USP7: variants seen among roughly 807,000 people sequenced by gnomAD.
USP7 encodes ubiquitin C-terminal hydrolase 7.
A neutral mutation model predicts 162.9 loss-of-function variants in USP7; 9 were observed. The observed-to-expected ratio is 0.06, with a 90% confidence interval of 0.03 to 0.10. USP7 has a LOEUF of 0.10. Ranked by LOEUF, USP7 falls within the 10% of genes least tolerant of loss-of-function variation. The pLI is 1.00. For missense variants in USP7, 715 were observed against 1,373.7 expected (o/e 0.52, Z 7.58); for synonymous variants, 562 against 475.9 (o/e 1.18, Z -2.35).
intron 13 of USP7, among the ~76,000 whole-genome samples, chr16:8,905,775 G>C (rs1369660280): frequency 6.6e-6 from 1 of 152,226 alleles, no homozygotes; most frequent in Non-Finnish European, 1.5e-5. Context: ...ATGGAAGCAA[G>C]TTAAGGGCCA....
At chr16:8,908,288 C>T in intron 12 of USP7, 53 bp downstream of exon 12, 1 of 1,422,930 alleles carries the variant, frequency 7.0e-7, no homozygotes, top group Admixed American at 1.7e-5. Context: ...GAGACTAACC[C>T]CCTAGACCAG....
intron 6 of USP7, among the ~76,000 whole-genome samples, chr16:8,917,657 G>A (rs1366337800): frequency 6.6e-6 from 1 of 152,122 alleles, no homozygotes; most frequent in Non-Finnish European, 1.5e-5. Context: ...GGGATTATAG[G>A]CGAGAGCTAC....
chr16:8,909,806 G>C (rs1295606973), intron 11 of USP7, among the ~76,000 whole-genome samples: 2 of 152,046 alleles, frequency 1.3e-5, no homozygotes, highest in African/African-American at 2.4e-5. Context: ...GGCGCCTGTA[G>C]TCCCAGCTAC....
At chr16:8,917,924 G>C (rs567106072) in intron 6 of USP7, among the ~76,000 whole-genome samples, 1 of 152,184 alleles carries the variant, frequency 6.6e-6, no homozygotes, top group Admixed American at 6.5e-5. Context: ...CCAGTAGCTG[G>C]GACTACAGGT....
intron 1 of USP7, among the ~76,000 whole-genome samples, chr16:8,947,396 C>T (rs559018747): frequency 6.6e-6 from 1 of 152,166 alleles, no homozygotes; most frequent in East Asian, 1.9e-4. Context: ...TCACCCAGGC[C>T]GAAGTACAGT....
At chr16:8,908,697 T>A (rs1278798044) in intron 11 of USP7, among the ~76,000 whole-genome samples, 1 of 152,240 alleles carries the variant, frequency 6.6e-6, no homozygotes, top group African/African-American at 2.4e-5. Context: ...TTGGATTATA[T>A]TCTAACTCGA....
At chr16:8,948,430 C>A (rs1045450074) in intron 1 of USP7, among the ~76,000 whole-genome samples, 1 of 152,192 alleles carries the variant, frequency 6.6e-6, no homozygotes, top group African/African-American at 2.4e-5. Context: ...AGCTATCCAC[C>A]GGCCTCGGCC....
intron 1 of USP7, among the ~76,000 whole-genome samples, chr16:8,961,587 G>A (rs906774992): frequency 4.4e-4 from 66 of 150,646 alleles, no homozygotes; most frequent in African/African-American, 1.5e-3. Flanking sequence ...ATGCTCTGCA[G>A]TAATGTCTGT....
intron 2 of USP7, among the ~76,000 whole-genome samples, chr16:8,924,288 ATC>A (rs1283054473): frequency 6.6e-6 from 1 of 152,186 alleles, no homozygotes; most frequent in Non-Finnish European, 1.5e-5. Context: ...ACCCACACCA[ATC>A]TGTTATTGAC....
At chr16:8,933,688 A>C (rs1262410812) in intron 1 of USP7, among the ~76,000 whole-genome samples, 3 of 152,036 alleles carry the variant, frequency 2.0e-5, no homozygotes, top group Non-Finnish European at 4.4e-5. Flanking sequence ...GGACTCAAGC[A>C]ATCCACCCCT....
intron 1 of USP7, among the ~76,000 whole-genome samples, chr16:8,950,674 A>T (rs1899507989): frequency 6.6e-6 from 1 of 152,188 alleles, no homozygotes; most frequent in Non-Finnish European, 1.5e-5. Flanking sequence ...ATTGTCCAAG[A>T]TTCAGAAGCT....
intron 3 of USP7, 149 bp from the exon 4 acceptor site, chr16:8,921,444 A>AT (rs1440854627): frequency 1.7e-5 from 14 of 839,290 alleles, no homozygotes; most frequent in Non-Finnish European, 2.3e-5. Context: ...GGATGGAGGC[A>AT]TTTTTACCTT....
Position 8,903,364 on chromosome 16 carries a change from A to G in USP7, c.1743T>C (p.Asn581=), listed in dbSNP as rs2061808309. Residue 581 remains asparagine, a synonymous_variant, in exon 16 of 31, where the codon AAT becomes AAC. Transcript: ENST00000344836. ...TCACTTTTTCTTCATCGTACATGTC[A>G]TTCCCTTGGTGGCCACAAAACTGGT... ...AEDQFCGHQG[N]DMYDEEKVKY... is the part of the protein sequence containing the mutation. 4 of 1,614,022 alleles carry G rather than the reference A, an allele frequency of 2.5e-6. No individual in the cohort carries two copies. The South Asian group carries it at 4.4e-5, about 18-fold the overall frequency.
At chr16:8,946,824 C>T (rs1899308098) in intron 1 of USP7, among the ~76,000 whole-genome samples, 1 of 152,182 alleles carries the variant, frequency 6.6e-6, no homozygotes, top group Non-Finnish European at 1.5e-5. Flanking sequence ...TCCAACAACG[C>T]CAATGTCTGG....
chr16:8,897,277 C>G, intron 25 of USP7, 178 bp from the exon 26 acceptor site: 1 of 600,426 alleles, frequency 1.7e-6, no homozygotes, highest in South Asian at 2.0e-5. Context: ...AGTGAGGACA[C>G]TGGCCCTAAT....
In USP7 at chr16:8,893,764, CATAAA is replaced by C. The variant is rs2061639927; in HGVS notation, c.*229_*233del. On this transcript the variant is annotated 3_prime_UTR_variant, in exon 31 of 31. Coordinates refer to ENST00000344836, the MANE Select transcript of USP7 (RefSeq NM_003470.3). ...GACAGTTGCCTTGCACTGTGGTTACCATAAAATAACTCTCATTGGCATCCAAGCTT... is the reference window on the plus strand; with the variant it reads ...GACAGTTGCCTTGCACTGTGGTTACCATAACTCTCATTGGCATCCAAGCTT... 4.2e-6 allele frequency: 2 copies of C among 479,932 alleles called. No individual in the cohort carries two copies. The highest frequency in any genetic ancestry group is 3.9e-5 in the African/African-American group (2 of 51,094). 29.7% of individuals were successfully genotyped at this position (479,932 alleles called of 1,614,324 possible). A position where few individuals can be genotyped will look rare whatever the true frequency, so the allele number is the denominator to read the frequency against.
chr16:8,895,752 A>AG lies in USP7; in HGVS notation c.2820-12dup, dbSNP rs2061671153. The AG allele has an allele frequency of 1.9e-6, 3 of 1,588,348 alleles. No individual in the cohort carries two copies. On this transcript the variant is annotated splice_polypyrimidine_tract_variant and intron_variant, in intron 26 of 30. Transcript: ENST00000344836. ...ACAATTTCTAGCAGCCTGAACAGAGAGGAAAAAAAAATAGGGCAAAATGAA... is the reference window on the plus strand; with the variant it reads ...ACAATTTCTAGCAGCCTGAACAGAGAGGGAAAAAAAAATAGGGCAAAATGAA...
At chr16:8,909,364 C>T (rs1186145758) in intron 11 of USP7, among the ~76,000 whole-genome samples, 3 of 152,096 alleles carry the variant, frequency 2.0e-5, no homozygotes, top group African/African-American at 7.2e-5. Context: ...CACCCATATG[C>T]CAAGGTTCTT....
chr16:8,953,320 C>T (rs963275272), intron 1 of USP7, among the ~76,000 whole-genome samples: 5 of 152,248 alleles, frequency 3.3e-5, no homozygotes, highest in African/African-American at 1.2e-4. Context: ...AGAGTTGAGA[C>T]CATAACCCAG....
Sources: gnomAD v4.1 joint callset for allele counts (sites outside exome capture counted in the v4.1 genomes callset) on GRCh38, gnomAD v4.1.1 for gene constraint, MANE v1.5 for transcripts, NCBI Gene and HGNC (gene_info 2026-07-23, HGNC 2026-07-21) for gene names.